CAP2: variants seen among roughly 807,000 people sequenced by gnomAD.
CAP2 encodes adenylyl cyclase-associated protein 2.
A neutral mutation model predicts 57.7 loss-of-function variants in CAP2; 24 were observed. The observed-to-expected ratio is 0.42, with a 90% CI of 0.30 to 0.58. The LOEUF is 0.58. CAP2 is among the 20% of genes least tolerant of loss of function. The probability of loss-of-function intolerance (pLI) is 0.22; values close to 1 mark genes in which losing one functional copy is unlikely to be tolerated. For missense variants in CAP2, 501 were observed against 590.3 expected (o/e 0.85, Z 1.57); for synonymous variants, 194 against 207.2 (o/e 0.94, Z 0.55).
At chr6:17,551,123 A>T (rs748888710) in intron 11 of CAP2, among the ~76,000 whole-genome samples, 1 of 152,252 alleles carries the variant, frequency 6.6e-6, no homozygotes, top group African/African-American at 2.4e-5. Flanking sequence ...TTCTTTTATC[A>T]TGAAATCAAA....
intron 4 of CAP2, among the ~76,000 whole-genome samples, chr6:17,497,159 A>T (rs940459324): frequency 6.6e-6 from 1 of 152,238 alleles, no homozygotes; most frequent in African/African-American, 2.4e-5. Flanking sequence ...ATACATTGTC[A>T]TAGATTTTAT....
chr6:17,468,876 A>T (rs1036798339), intron 4 of CAP2, among the ~76,000 whole-genome samples: 2 of 152,256 alleles, frequency 1.3e-5, no homozygotes, highest in Admixed American at 1.3e-4. Context: ...CCCAGGATGT[A>T]GACCTGGACC....
chr6:17,478,010 T>C (rs902792721), intron 4 of CAP2, among the ~76,000 whole-genome samples: 1 of 147,976 alleles, frequency 6.8e-6, no homozygotes, highest in Non-Finnish European at 1.5e-5. Context: ...ATAATATATA[T>C]AAATATATTA....
At chr6:17,453,500 A>G (rs1477500626) in intron 3 of CAP2, among the ~76,000 whole-genome samples, 4 of 152,198 alleles carry the variant, frequency 2.6e-5, no homozygotes, top group Non-Finnish European at 4.4e-5. Flanking sequence ...AGCTCCCGTA[A>G]TTAATTTTCA....
chr6:17,426,982 T>C (rs1226753012), intron 3 of CAP2, among the ~76,000 whole-genome samples: 3 of 152,178 alleles, frequency 2.0e-5, no homozygotes, highest in African/African-American at 7.2e-5. Context: ...ACAGATGATA[T>C]ATACAAATAT....
rs147098974 is a variant in CAP2, at chr6:17,491,172, A to G, written c.301-15997A>G. Among the ~76,000 whole-genome samples, 57 of 151,210 alleles carry G rather than the reference A, an allele frequency of 3.8e-4. 1 individual carries two copies. The highest frequency in any genetic ancestry group is 1.3e-3 in the African/African-American group (55 of 41,182). ...AGCTTTTCCCAAGGACTGTCCCCCAACGCCCCCGAGATTGTCAGGGTGCCC... is the reference window on the plus strand; with the variant it reads ...AGCTTTTCCCAAGGACTGTCCCCCAGCGCCCCCGAGATTGTCAGGGTGCCC... On this transcript the variant is annotated intron_variant, in intron 4 of 12. Transcript: ENST00000229922.
intron 4 of CAP2, among the ~76,000 whole-genome samples, chr6:17,501,835 C>T (rs1303131333): frequency 2.6e-5 from 4 of 152,166 alleles, no homozygotes; most frequent in Non-Finnish European, 2.9e-5. Context: ...AAAGTACAGT[C>T]GCATCCAGCT....
Position 17,393,598 on chromosome 6 carries a change from T to A in CAP2, c.-150T>A, listed in dbSNP as rs2113487125. ...TGGAGCTCCGGAAGCTGCCGGCGAC[T>A]CTCCCCTGGAGCAGCGTGACTGACA... On this transcript the variant is annotated 5_prime_UTR_variant, in exon 1 of 13. Transcript: ENST00000229922. 6.6e-6 allele frequency: 1 copy of A among 152,170 alleles called. No individual in the cohort carries two copies. Among genetic ancestry groups the A allele is most frequent in the African/African-American group, 2.4e-5 (1 of 41,436 alleles). 9.4% of individuals were successfully genotyped at this position (152,170 alleles called of 1,614,324 possible).
chr6:17,553,258 G>A (rs1195104510), intron 12 of CAP2, among the ~76,000 whole-genome samples: 2 of 152,190 alleles, frequency 1.3e-5, no homozygotes, highest in African/African-American at 4.8e-5. Context: ...AGCTTCCCAG[G>A]TGATTCCAGT....
chr6:17,539,027 T>C (rs1324933571), intron 7 of CAP2, among the ~76,000 whole-genome samples: 2 of 152,166 alleles, frequency 1.3e-5, no homozygotes, highest in Non-Finnish European at 2.9e-5. Flanking sequence ...CAGGGCTCAT[T>C]GCCGCACAGA....
chr6:17,493,872 G>A (rs12190896), intron 4 of CAP2, among the ~76,000 whole-genome samples: 78,816 of 151,628 alleles, frequency 0.52, 20,664 homozygotes, highest in Admixed American at 0.6. Context: ...AGCCGAAACA[G>A]TACGTCTAAA....
chr6:17,502,181 T>C (rs1403586303), intron 4 of CAP2, among the ~76,000 whole-genome samples: 1 of 152,222 alleles, frequency 6.6e-6, no homozygotes, highest in Non-Finnish European at 1.5e-5. Flanking sequence ...AAAACCCTTA[T>C]GTAATTTTAA....
intron 1 of CAP2, among the ~76,000 whole-genome samples, chr6:17,398,428 TAGA>T (rs1424896880): frequency 6.6e-6 from 1 of 152,168 alleles, no homozygotes; most frequent in African/African-American, 2.4e-5. Flanking sequence ...TCCTTGAACT[TAGA>T]AGGAGGAAAG....
chr6:17,530,969 G>C, intron 7 of CAP2: 1 of 1,530,538 alleles, frequency 6.5e-7, no homozygotes, highest in Middle Eastern at 2.3e-4. Context: ...CAAAATGGGT[G>C]GTCTTTTTCT....
chr6:17,452,480 C>G (rs1398625344), intron 3 of CAP2, among the ~76,000 whole-genome samples: 1 of 152,120 alleles, frequency 6.6e-6, no homozygotes, highest in Non-Finnish European at 1.5e-5. Flanking sequence ...CCATGGGAAC[C>G]CAACAAGTCA....
At chr6:17,493,313 T>C (rs1761588603) in intron 4 of CAP2, 1 of 283,372 alleles carries the variant, frequency 3.5e-6, no homozygotes, top group Non-Finnish European at 7.4e-6. Context: ...TGCACCTCTC[T>C]CTCACCTCAA....
At chr6:17,508,947 G>C (rs557516491) in intron 6 of CAP2, among the ~76,000 whole-genome samples, 4 of 151,840 alleles carry the variant, frequency 2.6e-5, no homozygotes, top group African/African-American at 9.7e-5. Flanking sequence ...TAGTAGAGAC[G>C]GAGTTTCACC....
At chr6:17,525,043 C>T (rs903032925) in intron 7 of CAP2, among the ~76,000 whole-genome samples, 10 of 151,620 alleles carry the variant, frequency 6.6e-5, no homozygotes, top group South Asian at 2.1e-4. Flanking sequence ...ACTACAGGTG[C>T]GCGCCACCAC....
intron 4 of CAP2, among the ~76,000 whole-genome samples, chr6:17,495,996 T>C (rs934439668): frequency 2.8e-5 from 3 of 106,588 alleles, no homozygotes; most frequent in East Asian, 3.3e-4. Flanking sequence ...TTATAGCTCC[T>C]GAAAGCAACT....
Sources: gnomAD v4.1 joint callset for allele counts (sites outside exome capture counted in the v4.1 genomes callset) on GRCh38, gnomAD v4.1.1 for gene constraint, MANE v1.5 for transcripts, NCBI Gene and HGNC (gene_info 2026-07-23, HGNC 2026-07-21) for gene names.